The following PRDM2 variants were observed in gnomAD, a reference collection of about 807,000 sequenced individuals.
PRDM2 encodes the protein PR domain zinc finger protein 2.
In PRDM2, 30 loss-of-function variants were observed where a neutral mutation model predicts 130.0. The ratio of observed to expected loss-of-function variants is 0.23; its 90% confidence interval spans 0.17 to 0.31. PRDM2 has a LOEUF of 0.31. PRDM2 is among the 10% of genes least tolerant of loss of function. The pLI is 1.00. For synonymous variants in PRDM2, 871 were observed against 782.4 expected, an observed-to-expected ratio of 1.11 and a Z score of -1.89; for missense variants, 2,011 against 2,108.4, an observed-to-expected ratio of 0.95 and a Z score of 0.90.
At chr1:13,789,056 T>C (rs563589085) in intron 8 of PRDM2, among the ~76,000 whole-genome samples, 66 of 152,168 alleles carry the variant, frequency 4.3e-4, no homozygotes, top group Middle Eastern at 6.8e-3. Context: ...GATGGCTCGG[T>C]CTCCACAGTG....
Position 13,781,066 on chromosome 1 carries a change from C to G in PRDM2, c.3271C>G (p.Leu1091Val), listed in dbSNP as rs1179526144. The G allele has an allele frequency of 6.2e-7, 1 of 1,613,196 alleles. No individual in the cohort carries two copies. Among genetic ancestry groups the G allele is most frequent in the South Asian group, 1.1e-5 (1 of 91,058 alleles). ...ATCTGTTGTTTCCTCTGGTGATAATCTGGAGGCTTCTCTCCCCATGATATC... is the reference window on the plus strand; with the variant it reads ...ATCTGTTGTTTCCTCTGGTGATAATGTGGAGGCTTCTCTCCCCATGATATC... ...ISSVVSSGDN[L>V]EASLPMISFK... The change falls in exon 8 of 10, where the codon CTG (leucine) becomes GTG (valine). Residue 1091 changes from leucine (L) to valine (V), a missense_variant. This residue lies in a region of PRDM2 where 1,288 missense variants were observed against 1,237.7 expected (regional missense o/e 1.04). Transcript: ENST00000311066. This position sits in a 1 kb window ranked among gnomAD's most constrained non-coding sequence, Gnocchi z 6.1.
At chr1:13,750,089 C>G (rs1643772648) in intron 6 of PRDM2, among the ~76,000 whole-genome samples, 1 of 152,140 alleles carries the variant, frequency 6.6e-6, no homozygotes, top group South Asian at 2.1e-4. Flanking sequence ...AGTTAGAGAG[C>G]GTGTTGTTTT....
Position 13,780,877 on chromosome 1 carries a change from T to C in PRDM2, c.3082T>C (p.Ser1028Pro). 1.2e-6 allele frequency: 2 copies of C among 1,611,108 alleles called. No homozygotes were observed. Among genetic ancestry groups the C allele is most frequent in the Non-Finnish European group, 1.7e-6 (2 of 1,178,470 alleles). Residue 1028 changes from serine to proline, a missense_variant, in exon 8 of 10, where the codon TCC (serine) becomes CCC (proline). Around this residue, in one of 5 missense-constraint regions of PRDM2, gnomAD observed 1,288 missense variants for 1,237.7 expected, o/e 1.04. Coordinates refer to ENST00000311066, the MANE Select transcript of PRDM2 (RefSeq NM_001393986.1). ...ACTTCCAATTCTGTCCCCAACAGTGTCCCCCTCTCCCTCTCCCATTCCTCC... is the reference window on the plus strand; with the variant it reads ...ACTTCCAATTCTGTCCCCAACAGTGCCCCCCTCTCCCTCTCCCATTCCTCC... ...SPLPILSPTV[S>P]PSPSPIPPVE... is the part of the protein sequence containing the mutation.
At chr1:13,772,885 A>T (rs866491160) in intron 6 of PRDM2, among the ~76,000 whole-genome samples, 193 bp from the exon 7 acceptor site, 3 of 152,190 alleles carry the variant, frequency 2.0e-5, no homozygotes, top group Non-Finnish European at 4.4e-5. Context: ...TAATTTACCT[A>T]TATAACAGAG....
chr1:13,728,761 A>G (rs1031736735), intron 2 of PRDM2, among the ~76,000 whole-genome samples: 13 of 152,194 alleles, frequency 8.5e-5, no homozygotes, highest in Non-Finnish European at 8.8e-5. Flanking sequence ...AAACAAATAC[A>G]TAGGATTTTT....
At chr1:13,742,252 G>A in intron 5 of PRDM2, 95 bp downstream of exon 5, 1 of 1,373,442 alleles carries the variant, frequency 7.3e-7, no homozygotes, top group Non-Finnish European at 1.0e-6. Flanking sequence ...TCAGGCTGGA[G>A]TGCAGGGGCT....
chr1:13,732,069 C>G (rs1349007422), intron 3 of PRDM2, among the ~76,000 whole-genome samples: 8 of 151,262 alleles, frequency 5.3e-5, no homozygotes, highest in Non-Finnish European at 8.9e-5. Context: ...GGGAACCGAT[C>G]TAAAGTGATG....
intron 8 of PRDM2, among the ~76,000 whole-genome samples, chr1:13,788,557 G>A (rs1393181710): frequency 6.6e-6 from 1 of 152,194 alleles, no homozygotes; most frequent in South Asian, 2.1e-4. Flanking sequence ...AACCACATCT[G>A]TCTGTCACTC....
At chr1:13,770,283 T>C (rs746968679) in intron 6 of PRDM2, 1 of 473,472 alleles carries the variant, frequency 2.1e-6, no homozygotes, top group Admixed American at 2.2e-5. Flanking sequence ...CTAGGTGCTC[T>C]AACATTCTTT....
At chr1:13,733,987 A>C (rs572227600) in intron 4 of PRDM2, among the ~76,000 whole-genome samples, 1 of 152,358 alleles carries the variant, frequency 6.6e-6, no homozygotes, top group East Asian at 1.9e-4. Context: ...GTATGGTTGA[A>C]GTATGCTGCT....
At chr1:13,728,061 A>G (rs1279170221) in intron 2 of PRDM2, among the ~76,000 whole-genome samples, 1 of 152,196 alleles carries the variant, frequency 6.6e-6, no homozygotes, top group Non-Finnish European at 1.5e-5. Flanking sequence ...ACCTACCTCA[A>G]TTTCAAGAAA....
chr1:13,817,635 A>G (rs1037574578), intron 9 of PRDM2, among the ~76,000 whole-genome samples: 1 of 151,606 alleles, frequency 6.6e-6, no homozygotes, highest in African/African-American at 2.4e-5. Context: ...TTCCAAATGT[A>G]CAAAATGGCC....
chr1:13,810,557 C>T (rs922717726), intron 8 of PRDM2, among the ~76,000 whole-genome samples: 16 of 151,532 alleles, frequency 1.1e-4, no homozygotes, highest in East Asian at 5.9e-4. Flanking sequence ...TGCAGTGGCA[C>T]GATCTCGGCT....
intron 6 of PRDM2, among the ~76,000 whole-genome samples, chr1:13,767,192 A>G (rs555475243): frequency 1.2e-4 from 18 of 152,320 alleles, no homozygotes; most frequent in African/African-American, 4.3e-4. Context: ...TGTTCAGATC[A>G]GGGTTCTGTG....
intron 4 of PRDM2, among the ~76,000 whole-genome samples, chr1:13,737,742 T>C (rs1401381188): frequency 6.6e-6 from 1 of 152,186 alleles, no homozygotes; most frequent in Non-Finnish European, 1.5e-5. Flanking sequence ...TGAACAGGTT[T>C]ACTTGTACTC....
At chr1:13,726,228 GT>G (rs1642911426) in intron 2 of PRDM2, among the ~76,000 whole-genome samples, 1 of 152,236 alleles carries the variant, frequency 6.6e-6, no homozygotes, top group Non-Finnish European at 1.5e-5. Flanking sequence ...TGCATGTAAA[GT>G]GCTTAGCACA....
At chr1:13,791,102 T>G (rs1158566306) in intron 8 of PRDM2, among the ~76,000 whole-genome samples, 1 of 152,052 alleles carries the variant, frequency 6.6e-6, no homozygotes, top group Non-Finnish European at 1.5e-5. Flanking sequence ...GTCCATCGTT[T>G]TTATAGGTAG....
At chr1:13,722,882 CA>C in intron 2 of PRDM2, 1 of 513,706 alleles carries the variant, frequency 1.9e-6, no homozygotes, top group Non-Finnish European at 3.9e-6. Flanking sequence ...TTCAAGAAGA[CA>C]AAAGGTTCAG....
At chr1:13,743,503 T>C (rs1643514599) in intron 5 of PRDM2, among the ~76,000 whole-genome samples, 1 of 152,172 alleles carries the variant, frequency 6.6e-6, no homozygotes, top group Non-Finnish European at 1.5e-5. Context: ...TTGTTGCTTT[T>C]TGCAATAGAT....
Sources: allele counts gnomAD v4.1 joint callset (sites outside exome capture counted in the v4.1 genomes callset), GRCh38; gene constraint gnomAD v4.1.1; regional missense constraint gnomAD v4.1.1; non-coding constraint Gnocchi (gnomAD v3.1); transcripts MANE v1.5; gene names NCBI Gene and HGNC (gene_info 2026-07-23, HGNC 2026-07-21).